Variants in MIGA1 observed in about 807,000 individuals in gnomAD.
The protein encoded by MIGA1 is mitoguardin 1, also known as family with sequence similarity 73, member A.
A neutral mutation model predicts 82.0 loss-of-function variants in MIGA1; 58 were observed. That is an observed-to-expected ratio of 0.71 (90% confidence interval 0.57 to 0.88). The LOEUF (loss-of-function observed/expected upper bound fraction) is 0.88, where lower values mean the gene tolerates loss of function less well. Among genes scored for constraint, MIGA1 ranks in the 40% least tolerant of loss-of-function variants. The pLI is 0.00. For missense variants in MIGA1, 751 were observed against 749.1 expected, an observed-to-expected ratio of 1.00 and a Z score of -0.03; for synonymous variants, 249 against 253.6, an observed-to-expected ratio of 0.98 and a Z score of 0.17.
chr1:77,870,258 C>A (rs1490431590), intron 14 of MIGA1, among the ~76,000 whole-genome samples: 8 of 128,310 alleles, frequency 6.2e-5, no homozygotes, highest in African/African-American at 1.4e-4. Flanking sequence ...GGGGTGGCTG[C>A]CGGGCGGAGA....
At chr1:77,786,143 C>T (rs1023188082) in intron 2 of MIGA1, among the ~76,000 whole-genome samples, 7 of 152,380 alleles carry the variant, frequency 4.6e-5, no homozygotes, top group Non-Finnish European at 8.8e-5. Context: ...GGCTTGCACC[C>T]TCTGAAGCCA....
chr1:77,874,594 T>C lies in MIGA1; in HGVS notation c.1681-252T>C, dbSNP rs182555428. Among the ~76,000 whole-genome samples the C allele has an allele frequency of 6.4e-3, 967 of 152,276 alleles. 8 individuals are homozygous for C. The highest frequency in any genetic ancestry group is 0.022 in the African/African-American group (909 of 41,564). On this transcript the variant is annotated intron_variant, in intron 15 of 15. Transcript: ENST00000370791. ...CATGGTATCACATAGGTTATCTTTT[T>C]TGATCATCATGTCATCCCTGAGTAG... is the stretch of plus-strand genomic sequence containing the variant.
rs180766824 is a variant in MIGA1 at position 77,809,980 on chromosome 1, C to T, written c.637+2879C>T. ...GAGGTATGCAGGTTTTAAGGTTTCACAATCAGTTGTCAGAAAAACAGCACT... is the reference window on the plus strand; with the variant it reads ...GAGGTATGCAGGTTTTAAGGTTTCATAATCAGTTGTCAGAAAAACAGCACT... On this transcript the variant is annotated intron_variant, in intron 5 of 15. Coordinates refer to ENST00000370791, the MANE Select transcript of MIGA1 (RefSeq NM_198549.4). 4.6e-5 allele frequency among the ~76,000 whole-genome samples: 7 copies of T among 152,146 alleles called. No individual in the cohort carries two copies. The East Asian group carries it at 1.3e-3, about 29-fold the overall frequency.
At chr1:77,850,730 T>G (rs1414424639) in intron 8 of MIGA1, among the ~76,000 whole-genome samples, 1 of 152,170 alleles carries the variant, frequency 6.6e-6, no homozygotes, top group Non-Finnish European at 1.5e-5. Flanking sequence ...AGAGAAGTAA[T>G]TTAGGATGTT....
chr1:77,843,398 C>T lies in MIGA1; in HGVS notation c.987C>T (p.Ser329=), dbSNP rs757861358. 1.7e-5 allele frequency: 27 copies of T among 1,612,762 alleles called. No homozygotes were observed. The highest frequency in any genetic ancestry group is 4.5e-5 in the East Asian group (2 of 44,880). The stretch of plus-strand genomic sequence containing the variant: ...TCGCATCCACGGATTCCTTTGCTTC[C>T]GCAGCAGAGGTAGGACATATGTGTT... Residue 329 remains serine, a synonymous_variant, in exon 8 of 16, where the codon TCC becomes TCT. Coordinates refer to ENST00000370791, the MANE Select transcript of MIGA1 (RefSeq NM_198549.4).
intron 7 of MIGA1, among the ~76,000 whole-genome samples, chr1:77,824,416 G>A (rs1683953155): frequency 6.6e-6 from 1 of 152,112 alleles, no homozygotes; most frequent in South Asian, 2.1e-4. Context: ...ATTTAAGCCA[G>A]GAATGGTGGT....
chr1:77,878,733 A>G lies in MIGA1; in HGVS notation c.*3669A>G. The G allele has an allele frequency of 2.6e-6, 1 of 382,592 alleles. No individual in the cohort carries two copies. Among genetic ancestry groups the G allele is most frequent in the Non-Finnish European group, 4.6e-6 (1 of 215,080 alleles). 23.7% of individuals were successfully genotyped at this position (382,592 alleles called of 1,614,324 possible). ...ATTTCCCTACATTTTTGTTCAACTA[A>G]GAGTGCTTATTTCTTCTTGAAGGTT... On this transcript the variant is annotated 3_prime_UTR_variant, in exon 16 of 16. Transcript: ENST00000370791.
intron 7 of MIGA1, among the ~76,000 whole-genome samples, chr1:77,820,997 G>T (rs2101824036): frequency 6.6e-6 from 1 of 152,258 alleles, no homozygotes; most frequent in Middle Eastern, 3.4e-3. Flanking sequence ...AGCTGGGTGT[G>T]GTGGCGGATG....
At chr1:77,869,802 G>A (rs1685854259) in intron 14 of MIGA1, among the ~76,000 whole-genome samples, 1 of 103,118 alleles carries the variant, frequency 9.7e-6, no homozygotes. Flanking sequence ...TCACTTCCCA[G>A]TAGGGGCGGC....
chr1:77,847,387 T>C, intron 8 of MIGA1: 2 of 1,156,832 alleles, frequency 1.7e-6, no homozygotes, highest in East Asian at 4.7e-5. Context: ...ACTAAATTGC[T>C]TTTGGGGAAA....
At chr1:77,802,336 C>T (rs1403380964) in intron 3 of MIGA1, among the ~76,000 whole-genome samples, 1 of 152,092 alleles carries the variant, frequency 6.6e-6, no homozygotes, top group Admixed American at 6.6e-5. Flanking sequence ...TTACAGCAAT[C>T]CTGTGAATTA....
chr1:77,799,891 T>C (rs1373237982), intron 2 of MIGA1, among the ~76,000 whole-genome samples: 4 of 152,218 alleles, frequency 2.6e-5, no homozygotes, highest in African/African-American at 9.6e-5. Flanking sequence ...TATTGATTTC[T>C]GCTTTAATCT....
chr1:77,832,214 G>A (rs1189132332), intron 7 of MIGA1, among the ~76,000 whole-genome samples: 2 of 152,284 alleles, frequency 1.3e-5, no homozygotes, highest in East Asian at 1.9e-4. Flanking sequence ...TTTATTGAAA[G>A]CATTGCTTCA....
chr1:77,791,315 T>C (rs1358168978), intron 2 of MIGA1, among the ~76,000 whole-genome samples: 2 of 150,378 alleles, frequency 1.3e-5, no homozygotes, highest in East Asian at 3.9e-4. Flanking sequence ...CCTTTTGAAA[T>C]TGGCCTTTTT....
At chr1:77,816,691 A>C (rs2101809040) in intron 7 of MIGA1, among the ~76,000 whole-genome samples, 1 of 152,356 alleles carries the variant, frequency 6.6e-6, no homozygotes, top group East Asian at 1.9e-4. Flanking sequence ...CTAGGAGATT[A>C]CAGTCTAGAA....
At chr1:77,824,837 A>G (rs953036500) in intron 7 of MIGA1, among the ~76,000 whole-genome samples, 4 of 152,116 alleles carry the variant, frequency 2.6e-5, no homozygotes, top group East Asian at 1.9e-4. Flanking sequence ...AACCCACTCC[A>G]TATTCTATAA....
At chr1:77,847,625 G>GGCT in intron 8 of MIGA1, 1 of 1,550,174 alleles carries the variant, frequency 6.5e-7, no homozygotes, top group Non-Finnish European at 8.9e-7. Context: ...GAAAAAAGAG[G>GGCT]GCTGCTGCGC....
intron 2 of MIGA1, among the ~76,000 whole-genome samples, chr1:77,790,533 T>C (rs1169264790): frequency 6.6e-6 from 1 of 151,948 alleles, no homozygotes; most frequent in Non-Finnish European, 1.5e-5. Flanking sequence ...CCCAAAGTGC[T>C]GGGATTACAG....
chr1:77,829,161 T>C (rs1040314111), intron 7 of MIGA1, among the ~76,000 whole-genome samples: 18 of 151,986 alleles, frequency 1.2e-4, no homozygotes, highest in African/African-American at 4.3e-4. Flanking sequence ...GGCTCATGCA[T>C]GTAATCCCAG....
Sources: gnomAD v4.1 joint callset for allele counts (sites outside exome capture counted in the v4.1 genomes callset) on GRCh38, gnomAD v4.1.1 for gene constraint, MANE v1.5 for transcripts, NCBI Gene and HGNC (gene_info 2026-07-23, HGNC 2026-07-21) for gene names.